ITGB8: variants seen among roughly 807,000 people sequenced by gnomAD.
The protein encoded by ITGB8 is integrin subunit beta 8, also known as integrin beta-8.
A neutral mutation model predicts 89.5 loss-of-function variants in ITGB8; 30 were observed. The ratio of observed to expected loss-of-function variants is 0.34; its 90% CI spans 0.25 to 0.45. The LOEUF (loss-of-function observed/expected upper bound fraction) is 0.45, where lower values mean the gene tolerates loss of function less well. Ranked by LOEUF, ITGB8 falls within the 20% of genes least tolerant of loss-of-function variation. The pLI is 1.00. For synonymous variants in ITGB8, 335 were observed against 320.4 expected, an observed-to-expected ratio of 1.05 and a Z score of -0.49; for missense variants, 836 against 933.3, an observed-to-expected ratio of 0.90 and a Z score of 1.36.
intron 8 of ITGB8, among the ~76,000 whole-genome samples, chr7:20,397,530 A>G (rs1286811826): frequency 6.6e-6 from 1 of 152,150 alleles, no homozygotes; most frequent in Non-Finnish European, 1.5e-5. Flanking sequence ...CAGGCCAACT[A>G]AGATCTTAAG....
chr7:20,408,835 C>G (rs1787652141), intron 12 of ITGB8, among the ~76,000 whole-genome samples: 1 of 152,096 alleles, frequency 6.6e-6, no homozygotes, highest in Admixed American at 6.5e-5. Context: ...GCATGCCCCT[C>G]CTCTTAACAC....
chr7:20,346,625 G>C lies in ITGB8; in HGVS notation c.127+14692G>C, dbSNP rs76662326. The C allele has an allele frequency of 4.3e-4, 336 of 774,138 alleles. 1 individual carries two copies. The African/African-American group carries it at 6.1e-3, about 14-fold the overall frequency. The allele number at this position is 774,138 out of a possible 1,614,324, so 48.0% of individuals were successfully genotyped here. On this transcript the variant is annotated intron_variant, in intron 1 of 13. Coordinates refer to ENST00000222573, the MANE Select transcript of ITGB8 (RefSeq NM_002214.3). Reference sequence around the variant, plus strand: ...GAAGAGACAAGGTCTGAGGAAGCCTGACTTAGTTCTGAAGTGAGGCGTTGA... The same window carrying C: ...GAAGAGACAAGGTCTGAGGAAGCCTCACTTAGTTCTGAAGTGAGGCGTTGA...
chr7:20,357,330 A>G (rs761177942), intron 1 of ITGB8, among the ~76,000 whole-genome samples: 1 of 152,094 alleles, frequency 6.6e-6, no homozygotes, highest in African/African-American at 2.4e-5. Flanking sequence ...CTTAATAGCC[A>G]TTTTTATATA....
chr7:20,406,481 C>T lies in ITGB8; in HGVS notation c.2023+310C>T, dbSNP rs138146754. 7.4e-4 allele frequency among the ~76,000 whole-genome samples: 112 copies of T among 150,952 alleles called. 1 individual carries two copies. The highest frequency in any genetic ancestry group is 2.4e-3 in the African/African-American group (100 of 41,048). On this transcript the variant is annotated intron_variant, in intron 12 of 13. Transcript: ENST00000222573. ...AGGAGAATCCCTTGAATCCGGGAGG[C>T]GGAGGTTGCAATGAGCTGAGATCAT...
At chr7:20,355,731 C>T (rs3757725) in intron 1 of ITGB8, among the ~76,000 whole-genome samples, 3 of 152,132 alleles carry the variant, frequency 2.0e-5, no homozygotes, top group Admixed American at 2.0e-4. Context: ...AAACACTGTG[C>T]TGTAGGCAAA....
intron 1 of ITGB8, among the ~76,000 whole-genome samples, chr7:20,363,099 C>T (rs768031711): frequency 6.6e-6 from 1 of 152,196 alleles, no homozygotes; most frequent in East Asian, 1.9e-4. Flanking sequence ...AAGCCAAAAT[C>T]ATCAATATTA....
intron 1 of ITGB8, among the ~76,000 whole-genome samples, chr7:20,357,647 A>G (rs536658693): frequency 3.9e-5 from 6 of 152,308 alleles, no homozygotes; most frequent in African/African-American, 7.2e-5. Flanking sequence ...CACATCAGCA[A>G]TTTGATATGG....
intron 6 of ITGB8, among the ~76,000 whole-genome samples, chr7:20,390,951 G>A (rs556117633): frequency 3.3e-5 from 5 of 151,970 alleles, no homozygotes; most frequent in Middle Eastern, 3.4e-3. Flanking sequence ...TAGTATATGT[G>A]GATGTTTGAA....
chr7:20,349,863 C>T (rs78860554), intron 1 of ITGB8, among the ~76,000 whole-genome samples: 16,750 of 152,130 alleles, frequency 0.11, 1,098 homozygotes, highest in East Asian at 0.37. Flanking sequence ...TGGAAATAAA[C>T]TTTATCGATA....
At chr7:20,346,710 T>C (rs1374271084) in intron 1 of ITGB8, 1 of 985,252 alleles carries the variant, frequency 1.0e-6, no homozygotes, top group Non-Finnish European at 1.2e-6. Flanking sequence ...TAAGACACTC[T>C]TGACTCCAGA....
At chr7:20,390,734 A>G (rs1328599943) in intron 6 of ITGB8, among the ~76,000 whole-genome samples, 2 of 152,068 alleles carry the variant, frequency 1.3e-5, no homozygotes, top group Non-Finnish European at 2.9e-5. Flanking sequence ...TAGTTCACAT[A>G]CTATTATTAT....
rs978802596 is a variant in ITGB8 at position 20,404,797 on chromosome 7, C to G, written c.1857C>G (p.Ser619Arg). The G allele has an allele frequency of 3.1e-6, 5 of 1,614,206 alleles. No homozygotes were observed. The highest frequency in any genetic ancestry group is 3.4e-6 in the Non-Finnish European group (4 of 1,180,038). ...CGRCECTDPRSIGRFCEHCPT... is the reference protein window; with the variant it reads ...CGRCECTDPRRIGRFCEHCPT... The stretch of plus-strand genomic sequence containing the variant: ...GGTGTGAGTGCACCGATCCCAGGAG[C>G]ATCGGCCGCTTCTGTGAACACTGCC... Residue 619 changes from serine (S) to arginine (R), a missense_variant, in exon 11 of 14, where the codon AGC becomes AGG. Ser to Arg is a moderately radical substitution (Grantham distance 110, BLOSUM62 -1). Transcript: ENST00000222573.
intron 10 of ITGB8, among the ~76,000 whole-genome samples, chr7:20,403,399 G>C (rs141994917): frequency 6.6e-6 from 1 of 152,126 alleles, no homozygotes; most frequent in African/African-American, 2.4e-5. Context: ...GTGAAATATC[G>C]AATGTACTAG....
chr7:20,390,327 G>T (rs1344807626), intron 6 of ITGB8, among the ~76,000 whole-genome samples: 1 of 152,084 alleles, frequency 6.6e-6, no homozygotes, highest in East Asian at 1.9e-4. Context: ...TCATCTCTCT[G>T]ATAAGTATCT....
In ITGB8 at chr7:20,368,160, A is replaced by T. The variant is rs138703713; in HGVS notation, c.388+974A>T. On this transcript the variant is annotated intron_variant, in intron 3 of 13. Coordinates refer to ENST00000222573, the MANE Select transcript of ITGB8 (RefSeq NM_002214.3). ...GCCCTGGGCATATTCCCAGTTTCCA[A>T]TTAAAACTGTGCTCTTTCCCATATT... 4.3e-3 allele frequency among the ~76,000 whole-genome samples: 653 copies of T among 152,302 alleles called. 6 individuals carry two copies. The highest frequency in any genetic ancestry group is 0.015 in the African/African-American group (621 of 41,564).
At chr7:20,385,271 G>A (rs1786563044) in intron 6 of ITGB8, among the ~76,000 whole-genome samples, 3 of 152,260 alleles carry the variant, frequency 2.0e-5, no homozygotes, top group Admixed American at 2.0e-4. Context: ...AGATGTTGAT[G>A]TGACTCACAG....
intron 6 of ITGB8, among the ~76,000 whole-genome samples, chr7:20,388,207 C>T (rs772568382): frequency 4.6e-5 from 7 of 152,186 alleles, no homozygotes; most frequent in Non-Finnish European, 1.0e-4. Context: ...AATTACTTAG[C>T]AGCTGTCTTG....
chr7:20,333,346 T>A (rs748122487), intron 1 of ITGB8, among the ~76,000 whole-genome samples: 1 of 152,174 alleles, frequency 6.6e-6, no homozygotes, highest in Non-Finnish European at 1.5e-5. Context: ...TAACATTCAT[T>A]ATCAGTTATC....
At chr7:20,332,967 C>A (rs906659711) in intron 1 of ITGB8, among the ~76,000 whole-genome samples, 4 of 149,710 alleles carry the variant, frequency 2.7e-5, no homozygotes, top group Admixed American at 1.3e-4. Context: ...TGTTTGGTCA[C>A]CAAGTCCTTA....
Sources: gnomAD v4.1 joint callset for allele counts (sites outside exome capture counted in the v4.1 genomes callset) on GRCh38, gnomAD v4.1.1 for gene constraint, MANE v1.5 for transcripts, NCBI Gene and HGNC (gene_info 2026-07-23, HGNC 2026-07-21) for gene names.